Variants in ALG12 observed in about 807,000 individuals in gnomAD.
ALG12 encodes ALG12 alpha-1,6-mannosyltransferase.
A neutral mutation model predicts 46.0 loss-of-function variants in ALG12; 36 were observed. That is an observed-to-expected ratio of 0.78 (90% CI 0.60 to 1.03). The LOEUF (loss-of-function observed/expected upper bound fraction) is 1.03, where lower values mean the gene tolerates loss of function less well. Among genes scored for constraint, ALG12 ranks in the 50% least tolerant of loss-of-function variants. ALG12 has a pLI of 0.00. For missense variants in ALG12, 599 were observed against 633.5 expected, an observed-to-expected ratio of 0.95 and a Z score of 0.58; for synonymous variants, 326 against 291.6, an observed-to-expected ratio of 1.12 and a Z score of -1.20.
the ALG12 span, among the ~76,000 whole-genome samples, chr22:49,863,612 C>T: frequency 1.5e-4 from 21 of 144,376 alleles, no homozygotes; most frequent in African/African-American, 5.3e-4. Flanking sequence ...GGGGACAGAG[C>T]GAGACTCCGT....
intron 5 of ALG12, among the ~76,000 whole-genome samples, chr22:49,909,577 GAA>G (rs941580766): frequency 5.3e-5 from 8 of 152,008 alleles, no homozygotes; most frequent in African/African-American, 1.7e-4. Flanking sequence ...AACAAAAAAA[GAA>G]AAAAGACACC....
Position 49,904,451 on chromosome 22 carries a change from C to G in ALG12, c.1048G>C (p.Gly350Arg). Residue 350 changes from glycine to arginine, a missense_variant, in exon 8 of 10, where the codon GGA becomes CGA. Gly to Arg is a moderately radical substitution (Grantham distance 125). Transcript: ENST00000330817. ...LYKAGSLLVIGHLVVNAAYSA... is the reference protein window; with the variant it reads ...LYKAGSLLVIRHLVVNAAYSA... ...TAGGCGGCATTCACCACGAGGTGTCCGATCACAAGCAGAGACCCCGCTTTG... is the reference window on the plus strand; with the variant it reads ...TAGGCGGCATTCACCACGAGGTGTCGGATCACAAGCAGAGACCCCGCTTTG... 6.2e-7 allele frequency: 1 copy of G among 1,614,070 alleles called. No homozygotes were observed. The highest frequency in any genetic ancestry group is 8.5e-7 in the Non-Finnish European group (1 of 1,180,018).
chr22:49,867,082 A>T, the ALG12 span, among the ~76,000 whole-genome samples: 9 of 152,162 alleles, frequency 5.9e-5, 1 homozygote, highest in Admixed American at 5.9e-4. Context: ...GCTGCATCTC[A>T]TCCATTTGGT....
the ALG12 span, among the ~76,000 whole-genome samples, chr22:49,866,621 A>T: frequency 1.3e-5 from 2 of 152,268 alleles, no homozygotes; most frequent in East Asian, 3.9e-4. Flanking sequence ...AGAGGAAGTT[A>T]CCGTTTTCAT....
chr22:49,878,030 C>T, the ALG12 span, among the ~76,000 whole-genome samples: 1 of 152,010 alleles, frequency 6.6e-6, no homozygotes, highest in Non-Finnish European at 1.5e-5. Flanking sequence ...AGAGGCCAGG[C>T]GTGGTGGCTC....
At chr22:49,908,526 CA>C (rs11432710) in intron 6 of ALG12, among the ~76,000 whole-genome samples, 9,572 of 55,160 alleles carry the variant, frequency 0.17, 300 homozygotes, top group South Asian at 0.27. Flanking sequence ...GACTCTGTCT[CA>C]AAAAAAAAAA....
chr22:49,903,437 C>G lies in ALG12; in HGVS notation c.*401G>C, dbSNP rs1383025786. ...CCCCAAGAGGCCCTCGGGCAGCAAG[C>G]GTGGGGTGCTGCCAAAATACAGCTC... On this transcript the variant is annotated 3_prime_UTR_variant, in exon 10 of 10. Transcript: ENST00000330817. The G allele has an allele frequency of 2.2e-6, 1 of 464,674 alleles. No homozygotes were observed. 28.8% of individuals were successfully genotyped at this position (464,674 alleles called of 1,614,324 possible). A position where few individuals can be genotyped will look rare whatever the true frequency, so the allele number is the denominator to read the frequency against.
At position 49,907,843 on chromosome 22, in the gene ALG12, C is replaced by T. The variant is rs758789506; in HGVS notation, c.870G>A (p.Ala290=). 9.3e-6 allele frequency: 15 copies of T among 1,613,890 alleles called. 1 individual carries two copies. The highest frequency in any genetic ancestry group is 5.5e-5 in the South Asian group (5 of 91,086). ...PLGLVDRRTH[A]PTVLALGFMA... ...TGAAGCCCAGTGCCAGCACCGTCGG[C>T]GCGTGCGTCCTTCTGTCTACCAAGC... The change falls in exon 7 of 10, where the codon GCG becomes GCA. Residue 290 remains alanine (A), a synonymous_variant. Coordinates refer to ENST00000330817, the MANE Select transcript of ALG12 (RefSeq NM_024105.4).
At chr22:49,869,347 C>T in the ALG12 span, among the ~76,000 whole-genome samples, 8,606 of 152,220 alleles carry the variant, frequency 0.057, 664 homozygotes, top group African/African-American at 0.18. Flanking sequence ...ACCTCGTACC[C>T]GCGTGGTGGT....
chr22:49,860,779 C>G, the ALG12 span, among the ~76,000 whole-genome samples: 1 of 137,586 alleles, frequency 7.3e-6, no homozygotes, highest in Admixed American at 7.3e-5. Flanking sequence ...TCTAAGCAAC[C>G]TTTTTTTTTT....
At chr22:49,910,924 G>C (rs1453321536) in intron 3 of ALG12, among the ~76,000 whole-genome samples, 2 of 152,244 alleles carry the variant, frequency 1.3e-5, no homozygotes, top group Non-Finnish European at 2.9e-5. Flanking sequence ...ACCCCACCGG[G>C]CTGTGGCATC....
At chr22:49,885,224 C>T in the ALG12 span, 1 of 1,612,944 alleles carries the variant, frequency 6.2e-7, no homozygotes, top group Non-Finnish European at 8.5e-7. Context: ...GCAAGTCTGG[C>T]AAACTCTCCG....
At chr22:49,875,133 T>A in the ALG12 span, among the ~76,000 whole-genome samples, 1 of 152,206 alleles carries the variant, frequency 6.6e-6, no homozygotes, top group East Asian at 1.9e-4. Flanking sequence ...GTTTCTTTTA[T>A]TGTAATGTCT....
chr22:49,886,977 C>T, the ALG12 span: 1 of 1,614,082 alleles, frequency 6.2e-7, no homozygotes, highest in South Asian at 1.1e-5. This position sits in a 1 kb window ranked among gnomAD's most constrained non-coding sequence, Gnocchi z 7.7. Context: ...CCTACTGGAA[C>T]CTGAAGAAGG....
chr22:49,913,957 C>A (rs912712624), intron 1 of ALG12, 114 bp from the exon 2 acceptor site: 1 of 672,478 alleles, frequency 1.5e-6, no homozygotes, highest in Non-Finnish European at 2.5e-6. Flanking sequence ...AGTCGCACTA[C>A]TACAAATCTG....
the ALG12 span, among the ~76,000 whole-genome samples, chr22:49,866,138 T>TTCTTG: frequency 6.6e-6 from 1 of 151,840 alleles, no homozygotes; most frequent in South Asian, 2.1e-4. Context: ...CCCAAAGGAT[T>TTCTTG]TAAGTCTAGT....
At chr22:49,890,308 T>C in the ALG12 span, among the ~76,000 whole-genome samples, 16 of 152,162 alleles carry the variant, frequency 1.1e-4, no homozygotes, top group South Asian at 2.1e-4. Flanking sequence ...TCCTCTCTCT[T>C]AAAACCACCA....
At chr22:49,883,929 G>C in the ALG12 span, 1 of 1,612,836 alleles carries the variant, frequency 6.2e-7, no homozygotes, top group South Asian at 1.1e-5. Flanking sequence ...TGTTCTCCCA[G>C]TACAGCAGCA....
chr22:49,892,654 T>C, the ALG12 span, among the ~76,000 whole-genome samples: 1 of 152,140 alleles, frequency 6.6e-6, no homozygotes, highest in African/African-American at 2.4e-5. Flanking sequence ...TCCAGGTGAG[T>C]CCCCTGAAGG....
Sources: allele counts gnomAD v4.1 joint callset (sites outside exome capture counted in the v4.1 genomes callset), GRCh38; gene constraint gnomAD v4.1.1; non-coding constraint Gnocchi (gnomAD v3.1); transcripts MANE v1.5; gene names NCBI Gene and HGNC (gene_info 2026-07-23, HGNC 2026-07-21).